NCS1: variants seen among roughly 807,000 people sequenced by gnomAD.
The protein encoded by NCS1 is frequenin homolog.
A neutral mutation model predicts 28.4 loss-of-function variants in NCS1; 6 were observed. The observed-to-expected ratio is 0.21, with a 90% confidence interval of 0.12 to 0.42. The LOEUF (loss-of-function observed/expected upper bound fraction) is 0.42. NCS1 is among the 10% of genes least tolerant of loss of function. NCS1 has a pLI of 1.00. For synonymous variants in NCS1, 86 were observed against 99.3 expected (o/e 0.87, Z 0.79); for missense variants, 131 against 241.4 (o/e 0.54, Z 3.03).
chr9:130,183,588 C>T (rs782330487), intron 1 of NCS1, among the ~76,000 whole-genome samples: 2 of 152,142 alleles, frequency 1.3e-5, no homozygotes, highest in Non-Finnish European at 2.9e-5. Flanking sequence ...CCATGGCCAC[C>T]TCGGCTCCCC....
At position 130,180,705 on chromosome 9, in the gene NCS1, A is replaced by T. The variant is rs1832641801; in HGVS notation, c.64+7978A>T. Among the ~76,000 whole-genome samples, 1 of 152,114 alleles carries T rather than the reference A, an allele frequency of 6.6e-6. No homozygotes were observed. The highest frequency in any genetic ancestry group is 1.5e-5 in the Non-Finnish European group (1 of 68,032). On this transcript the variant is annotated intron_variant, in intron 1 of 7. Transcript: ENST00000372398. This position sits in a 1 kb window ranked among gnomAD's most constrained non-coding sequence, Gnocchi z 4.5. ...ATGAGACAGGGATGTTTGCACAGGG[A>T]TCTGCACGTAGTAGGTGCTCAGTAA... is the stretch of plus-strand genomic sequence containing the variant.
chr9:130,213,839 A>G (rs1833147500), intron 2 of NCS1, among the ~76,000 whole-genome samples: 1 of 152,118 alleles, frequency 6.6e-6, no homozygotes, highest in East Asian at 1.9e-4. Flanking sequence ...TCTGCCTCCC[A>G]AAGTGCTGGA....
chr9:130,194,773 G>A (rs565312022), intron 1 of NCS1, among the ~76,000 whole-genome samples: 7 of 152,222 alleles, frequency 4.6e-5, no homozygotes, highest in African/African-American at 1.2e-4. Context: ...GTTTTGGTAC[G>A]AGCCTGGGCC....
chr9:130,210,075 C>T (rs1833091425), intron 2 of NCS1, among the ~76,000 whole-genome samples: 2 of 152,158 alleles, frequency 1.3e-5, no homozygotes, highest in South Asian at 4.2e-4. Flanking sequence ...CTTGGTACGT[C>T]CCCGCCCATG....
chr9:130,182,105 G>A (rs915351584), intron 1 of NCS1, among the ~76,000 whole-genome samples: 5 of 152,154 alleles, frequency 3.3e-5, no homozygotes, highest in South Asian at 4.1e-4. Flanking sequence ...GTGGGCACTC[G>A]GGACCAGGAG....
chr9:130,208,758 G>A (rs574022894), intron 2 of NCS1, among the ~76,000 whole-genome samples: 26 of 152,268 alleles, frequency 1.7e-4, no homozygotes, highest in African/African-American at 6.0e-4. Flanking sequence ...GCTTTCCTGC[G>A]GGCAGGCACA....
rs553354843 is a variant in NCS1, at chr9:130,222,081, AAT to A, written c.308-560_308-559del. Among the ~76,000 whole-genome samples the A allele has an allele frequency of 6.7e-4, 70 of 104,942 alleles. 6 individuals carry two copies. The highest frequency in any genetic ancestry group is 1.8e-3 in the African/African-American group (47 of 26,402). The allele number at this position is 104,942 out of a possible 152,430, so 68.8% of individuals were successfully genotyped here. On this transcript the variant is annotated intron_variant, in intron 4 of 7. Transcript: ENST00000372398. The stretch of plus-strand genomic sequence containing the variant: ...CATAAATATAAATTATGTATCTATA[AAT>A]ATATATATGTGTGTGTGTATATATA...
At chr9:130,212,575 A>G (rs1213961421) in intron 2 of NCS1, among the ~76,000 whole-genome samples, 1 of 151,048 alleles carries the variant, frequency 6.6e-6, no homozygotes, top group Non-Finnish European at 1.5e-5. Flanking sequence ...GTCCTCCCCC[A>G]GCACAACAGG....
At chr9:130,189,874 AAAAAAAT>A (rs1266863282) in intron 1 of NCS1, among the ~76,000 whole-genome samples, 16 of 97,310 alleles carry the variant, frequency 1.6e-4, no homozygotes, top group African/African-American at 6.2e-4. Flanking sequence ...AAAAAAAAAA[AAAAAAAT>A]ATATATATAT....
At position 130,219,632 on chromosome 9, in the gene NCS1, A is replaced by C; in HGVS notation, c.229-93A>C. 1 of 1,149,036 alleles carries C rather than the reference A, an allele frequency of 8.7e-7. No homozygotes were observed. The highest frequency in any genetic ancestry group is 1.3e-6 in the Non-Finnish European group (1 of 773,848). The allele number at this position is 1,149,036 out of a possible 1,614,324, so 71.2% of individuals were successfully genotyped here. On this transcript the variant is annotated intron_variant, in intron 3 of 7. Transcript: ENST00000372398. This position sits in a 1 kb window ranked among gnomAD's most constrained non-coding sequence, Gnocchi z 5.7. The stretch of plus-strand genomic sequence containing the variant: ...AGTGTCCATTGGCCACAGTGTCTGG[A>C]GCCTGCGACTGCCCCTCGCCCGTCC...
intron 1 of NCS1, among the ~76,000 whole-genome samples, chr9:130,194,844 A>G (rs897186832): frequency 6.6e-6 from 1 of 152,236 alleles, no homozygotes; most frequent in South Asian, 2.1e-4. Context: ...CCAAAGCCAG[A>G]TGAAATTGTG....
chr9:130,214,171 A>C (rs60506008), intron 2 of NCS1, among the ~76,000 whole-genome samples: 104,183 of 152,112 alleles, frequency 0.68, 36,031 homozygotes, highest in East Asian at 0.89. Context: ...ATAGCGTGGT[A>C]CAGGCTCTGC....
In NCS1 at chr9:130,226,439, A is replaced by G. The variant is rs1554911387; in HGVS notation, c.525A>G (p.Ala175=). The G allele has an allele frequency of 7.4e-6, 12 of 1,614,028 alleles. No individual in the cohort carries two copies. Among genetic ancestry groups the G allele is most frequent in the Non-Finnish European group, 1.0e-5 (12 of 1,180,004 alleles). ...TLQEFQEGSK[A]DPSIVQALSL... The stretch of plus-strand genomic sequence containing the variant: ...AGGAGTTCCAGGAGGGTTCCAAGGC[A>G]GACCCGTCCATTGTGCAGGCGCTGT... The change falls in exon 7 of 8, where the codon GCA becomes GCG. Residue 175 remains alanine, a synonymous_variant. Coordinates refer to ENST00000372398, the MANE Select transcript of NCS1 (RefSeq NM_014286.4). This position sits in a 1 kb window ranked among gnomAD's most constrained non-coding sequence, Gnocchi z 4.8.
chr9:130,201,197 T>G (rs1832943435), intron 2 of NCS1, among the ~76,000 whole-genome samples: 2 of 152,154 alleles, frequency 1.3e-5, no homozygotes, highest in African/African-American at 4.8e-5. Flanking sequence ...CTGGGGTGTT[T>G]GTTGGTGGTC....
In NCS1 at chr9:130,233,479, G is replaced by A. The variant is rs1833526253; in HGVS notation, c.*507G>A. 1 of 152,560 alleles carries A rather than the reference G, an allele frequency of 6.6e-6. No homozygotes were observed. The highest frequency in any genetic ancestry group is 2.4e-5 in the African/African-American group (1 of 41,428). The allele number at this position is 152,560 out of a possible 1,614,324, so 9.5% of individuals were successfully genotyped here. On this transcript the variant is annotated 3_prime_UTR_variant, in exon 8 of 8. Transcript: ENST00000372398. This position sits in a 1 kb window ranked among gnomAD's most constrained non-coding sequence, Gnocchi z 4.8. ...TGTGGGTGGGCCGAGGGTGTCTAGG[G>A]GTTCTGCCTGGTCAACGTTATTTGT...
Position 130,226,885 on chromosome 9 carries a change from C to T in NCS1, c.*17+381C>T, listed in dbSNP as rs1159192244. ...ACTAAAAATACAAAAATCAGGCGGG[C>T]GTGGTGGTGCGCACCTAGTCTCAGC... is the stretch of plus-strand genomic sequence containing the variant. On this transcript the variant is annotated intron_variant, in intron 7 of 7. Transcript: ENST00000372398. This position sits in a 1 kb window ranked among gnomAD's most constrained non-coding sequence, Gnocchi z 4.8. Among the ~76,000 whole-genome samples the T allele has an allele frequency of 3.3e-5, 5 of 151,752 alleles. No individual in the cohort carries two copies. In the South Asian group the frequency reaches 6.3e-4, roughly 19 times the overall value.
chr9:130,192,121 G>GATTTA lies in NCS1; in HGVS notation c.65-8837_65-8836insATTTA, dbSNP rs1554906312. On this transcript the variant is annotated intron_variant, in intron 1 of 7. Transcript: ENST00000372398. This position sits in a 1 kb window ranked among gnomAD's most constrained non-coding sequence, Gnocchi z 4.8. ...CTGGGGCCCAGCTGCCCTTTAGCCA[G>GATTTA]GCAGTGGTGGCAGACAGGTATGGGA... 3.9e-5 allele frequency among the ~76,000 whole-genome samples: 6 copies of GATTTA among 152,184 alleles called. No individual in the cohort carries two copies. Among genetic ancestry groups the GATTTA allele is most frequent in the Non-Finnish European group, 7.3e-5 (5 of 68,028 alleles).
intron 2 of NCS1, among the ~76,000 whole-genome samples, 180 bp from the exon 3 acceptor site, chr9:130,217,652 C>A (rs1833208197): frequency 6.6e-6 from 1 of 152,210 alleles, no homozygotes; most frequent in South Asian, 2.1e-4. Flanking sequence ...CAAGGTCACA[C>A]TGCTAGTGAG....
chr9:130,183,554 C>T lies in NCS1; in HGVS notation c.64+10827C>T, dbSNP rs578012136. On this transcript the variant is annotated intron_variant, in intron 1 of 7. Transcript: ENST00000372398. Reference sequence around the variant, plus strand: ...CAGCAGGGAAGTGGGTTCAGTGTGCCTTTCTCTCTCTCCAGCTGTGGGGCC... The same window carrying T: ...CAGCAGGGAAGTGGGTTCAGTGTGCTTTTCTCTCTCTCCAGCTGTGGGGCC... Among the ~76,000 whole-genome samples, 8 of 152,172 alleles carry T rather than the reference C, an allele frequency of 5.3e-5. No individual in the cohort carries two copies. The East Asian group carries it at 1.5e-3, about 29-fold the overall frequency.
Sources: gnomAD v4.1 joint callset for allele counts (sites outside exome capture counted in the v4.1 genomes callset) on GRCh38, gnomAD v4.1.1 for gene constraint, Gnocchi (gnomAD v3.1) non-coding constraint, MANE v1.5 for transcripts, NCBI Gene and HGNC (gene_info 2026-07-23, HGNC 2026-07-21) for gene names.